TNRC6B: variants seen among roughly 807,000 people sequenced by gnomAD.
TNRC6B encodes the protein trinucleotide repeat-containing gene 6B protein.
TNRC6B carries 52 observed loss-of-function variants against 203.6 expected under a neutral mutation model. The observed-to-expected ratio is 0.26, with a 90% CI of 0.20 to 0.32. The LOEUF (loss-of-function observed/expected upper bound fraction) is 0.32, where lower values mean the gene tolerates loss of function less well. Ranked by LOEUF, TNRC6B falls within the 10% of genes least tolerant of loss-of-function variation. The probability of loss-of-function intolerance (pLI) is 1.00; values close to 1 mark genes in which losing one functional copy is unlikely to be tolerated. For missense variants in TNRC6B, 1,923 were observed against 2,286.2 expected (o/e 0.84, Z 3.24); for synonymous variants, 838 against 845.7 (o/e 0.99, Z 0.16).
intron 1 of TNRC6B, among the ~76,000 whole-genome samples, chr22:40,197,643 C>A (rs1490730623): frequency 6.7e-6 from 1 of 149,388 alleles, no homozygotes; most frequent in Admixed American, 6.7e-5. Flanking sequence ...TGTTCTGTTG[C>A]CCAGGTTGGA....
chr22:40,219,441 G>A (rs1293509117), intron 1 of TNRC6B, among the ~76,000 whole-genome samples: 1 of 152,106 alleles, frequency 6.6e-6, no homozygotes, highest in Non-Finnish European at 1.5e-5. Flanking sequence ...GAGGCCAGCA[G>A]GAGGGTGGAA....
intron 1 of TNRC6B, among the ~76,000 whole-genome samples, chr22:40,190,348 AC>A (rs2069255455): frequency 6.6e-6 from 1 of 152,238 alleles, no homozygotes; most frequent in Non-Finnish European, 1.5e-5. Flanking sequence ...CTCAAAACTT[AC>A]AGCAAAATTT....
At chr22:40,105,385 C>A (rs962277169) in intron 1 of TNRC6B, among the ~76,000 whole-genome samples, 23 of 152,116 alleles carry the variant, frequency 1.5e-4, no homozygotes, top group African/African-American at 5.6e-4. Flanking sequence ...AGAAATAGAA[C>A]ATTATAGCGG....
chr22:40,160,328 T>G (rs1364569152), intron 4 of TNRC6B, among the ~76,000 whole-genome samples: 1 of 151,686 alleles, frequency 6.6e-6, no homozygotes, highest in Non-Finnish European at 1.5e-5. Context: ...AATACAAAAT[T>G]AGCTGGGCGT....
chr22:40,281,704 G>A (rs2070723222), intron 11 of TNRC6B, among the ~76,000 whole-genome samples: 1 of 152,180 alleles, frequency 6.6e-6, no homozygotes, highest in African/African-American at 2.4e-5. Context: ...AAACTAGTAT[G>A]ATTAAGTATT....
intron 1 of TNRC6B, among the ~76,000 whole-genome samples, chr22:40,057,995 C>T (rs1031819235): frequency 2.6e-5 from 4 of 151,580 alleles, no homozygotes; most frequent in African/African-American, 7.3e-5. Context: ...TTTTGTCAAC[C>T]TTCTTTTTAC....
chr22:40,287,164 C>T (rs756968870), intron 12 of TNRC6B, among the ~76,000 whole-genome samples: 1 of 151,974 alleles, frequency 6.6e-6, no homozygotes, highest in Non-Finnish European at 1.5e-5. Flanking sequence ...TGCACACCAC[C>T]AAGCTTGGCT....
intron 15 of TNRC6B, among the ~76,000 whole-genome samples, chr22:40,307,127 G>A (rs1322207346): frequency 3.2e-5 from 4 of 126,508 alleles, no homozygotes; most frequent in African/African-American, 1.2e-4. Flanking sequence ...TATATAAATA[G>A]CAACATTTTG....
chr22:40,207,723 G>A (rs1336818062), intron 1 of TNRC6B, among the ~76,000 whole-genome samples: 1 of 151,880 alleles, frequency 6.6e-6, no homozygotes, highest in African/African-American at 2.4e-5. Flanking sequence ...AAATGTGGAG[G>A]GGGAAATACA....
chr22:40,330,916 A>G lies in TNRC6B; in HGVS notation c.*7675A>G, dbSNP rs1424687495. ...AAGAGATTCTGGGACTTGGGAGAGG[A>G]GACAGGGGAAGGTACCCAGGCGACG... On this transcript the variant is annotated 3_prime_UTR_variant, in exon 23 of 23. Transcript: ENST00000454349. 1 of 152,666 alleles carries G rather than the reference A, an allele frequency of 6.6e-6. No individual in the cohort carries two copies. The highest frequency in any genetic ancestry group is 1.5e-5 in the Non-Finnish European group (1 of 68,048). 9.5% of individuals were successfully genotyped at this position (152,666 alleles called of 1,614,324 possible). A position where few individuals can be genotyped will look rare whatever the true frequency, so the allele number is the denominator to read the frequency against.
intron 1 of TNRC6B, among the ~76,000 whole-genome samples, chr22:40,098,639 A>G (rs972383264): frequency 6.6e-6 from 1 of 152,142 alleles, no homozygotes; most frequent in African/African-American, 2.4e-5. Flanking sequence ...TGGGTTTATC[A>G]TGCTTTTAGG....
At position 40,212,742 on chromosome 22, in the gene TNRC6B, G is replaced by A. The variant is rs1256745658; in HGVS notation, c.6-33273G>A. Reference sequence around the variant, plus strand: ...CTGGAGTGCAGTGGTGTGATCTCCTGGGTTCAAGCGATTCTCGTGCCTCAG... The same window carrying A: ...CTGGAGTGCAGTGGTGTGATCTCCTAGGTTCAAGCGATTCTCGTGCCTCAG... On this transcript the variant is annotated intron_variant, in intron 1 of 22. Transcript: ENST00000454349. 3.3e-5 allele frequency among the ~76,000 whole-genome samples: 5 copies of A among 152,130 alleles called. No individual in the cohort carries two copies. In the Middle Eastern group the frequency reaches 0.01, roughly 310 times the overall value.
At chr22:40,172,423 T>C (rs1482000797) in intron 4 of TNRC6B, among the ~76,000 whole-genome samples, 5 of 152,246 alleles carry the variant, frequency 3.3e-5, no homozygotes, top group Admixed American at 3.3e-4. Flanking sequence ...ACATATTTAT[T>C]GAACAAATGA....
intron 22 of TNRC6B, among the ~76,000 whole-genome samples, 156 bp from the exon 23 acceptor site, chr22:40,322,698 G>A (rs1025886926): frequency 5.9e-5 from 9 of 152,180 alleles, no homozygotes; most frequent in Non-Finnish European, 2.9e-5. Flanking sequence ...AGAGGTCTTG[G>A]GTGGAGCTTG....
chr22:40,147,395 A>T (rs2068704854), intron 3 of TNRC6B, among the ~76,000 whole-genome samples: 1 of 152,190 alleles, frequency 6.6e-6, no homozygotes, highest in South Asian at 2.1e-4. Flanking sequence ...ACAGTATCTC[A>T]GTTTGTTTAT....
At chr22:40,281,423 G>A in intron 11 of TNRC6B, 134 bp downstream of exon 11, 1 of 660,742 alleles carries the variant, frequency 1.5e-6, no homozygotes, top group South Asian at 4.7e-5. Flanking sequence ...TTAAGTGTAG[G>A]TTCTAGATCT....
intron 12 of TNRC6B, among the ~76,000 whole-genome samples, chr22:40,286,234 G>C (rs1176950921): frequency 2.0e-5 from 3 of 152,206 alleles, no homozygotes; most frequent in African/African-American, 7.2e-5. Context: ...CACTTTGGGA[G>C]GCCAAGGTGC....
intron 15 of TNRC6B, among the ~76,000 whole-genome samples, chr22:40,302,308 C>G (rs1042316353): frequency 2.6e-5 from 4 of 152,142 alleles, no homozygotes. Context: ...TAGAATTTAT[C>G]TTCTAAAGAA....
chr22:40,332,037 A>G lies in TNRC6B; in HGVS notation c.*8796A>G. On this transcript the variant is annotated 3_prime_UTR_variant, in exon 23 of 23. Coordinates refer to ENST00000454349, the MANE Select transcript of TNRC6B (RefSeq NM_001162501.2). ...ATCCAGTGCAGCAATGGAACTCCAC[A>G]GGCTCCAGTGTTCTCTGGAAAAAGT... is the stretch of plus-strand genomic sequence containing the variant. The G allele has an allele frequency of 5.7e-6, 1 of 176,698 alleles. No individual in the cohort carries two copies. Among genetic ancestry groups the G allele is most frequent in the Non-Finnish European group, 1.2e-5 (1 of 84,058 alleles). 10.9% of individuals were successfully genotyped at this position (176,698 alleles called of 1,614,324 possible).
Sources: gnomAD v4.1 joint callset for allele counts (sites outside exome capture counted in the v4.1 genomes callset) on GRCh38, gnomAD v4.1.1 for gene constraint, MANE v1.5 for transcripts, NCBI Gene and HGNC (gene_info 2026-07-23, HGNC 2026-07-21) for gene names.